GSTCD: variants seen among roughly 807,000 people sequenced by gnomAD.
GSTCD encodes the protein glutathione S-transferase C-terminal domain-containing protein.
A neutral mutation model predicts 68.3 loss-of-function variants in GSTCD; 44 were observed. That is an observed-to-expected ratio of 0.64 (90% CI 0.51 to 0.83). GSTCD has a LOEUF of 0.83. Ranked by LOEUF, GSTCD falls within the 40% of genes least tolerant of loss-of-function variation. The pLI, the probability that GSTCD is intolerant of heterozygous loss-of-function variation, is 0.00. For synonymous variants in GSTCD, 273 were observed against 255.2 expected (o/e 1.07, Z -0.67); for missense variants, 739 against 735.9 (o/e 1.00, Z -0.05).
chr4:105,806,536 C>G (rs1372466466), intron 5 of GSTCD, among the ~76,000 whole-genome samples: 2 of 152,020 alleles, frequency 1.3e-5, no homozygotes, highest in Non-Finnish European at 2.9e-5. Context: ...ATCCAAGTCT[C>G]TATGTTTTTG....
intron 8 of GSTCD, among the ~76,000 whole-genome samples, chr4:105,828,149 TTCA>T (rs1460374367): frequency 1.3e-5 from 2 of 152,180 alleles, no homozygotes; most frequent in Non-Finnish European, 2.9e-5. Context: ...ATCCTTTCTG[TTCA>T]TCAACATGTA....
chr4:105,789,256 C>T (rs895542875), intron 5 of GSTCD, among the ~76,000 whole-genome samples: 3 of 152,130 alleles, frequency 2.0e-5, no homozygotes, highest in African/African-American at 7.3e-5. Flanking sequence ...TTATCTATTG[C>T]TGCATAATAA....
chr4:105,838,293 T>C (rs964442197), intron 10 of GSTCD, among the ~76,000 whole-genome samples: 2 of 152,238 alleles, frequency 1.3e-5, no homozygotes, highest in East Asian at 1.9e-4. Context: ...CCTGCCCTTT[T>C]GTTCCAGAGG....
chr4:105,776,158 C>T (rs1735051975), intron 5 of GSTCD, among the ~76,000 whole-genome samples: 1 of 152,194 alleles, frequency 6.6e-6, no homozygotes, highest in African/African-American at 2.4e-5. Context: ...GGGAAAACCA[C>T]CTACTCAAGC....
intron 5 of GSTCD, among the ~76,000 whole-genome samples, chr4:105,772,789 G>A (rs959288667): frequency 1.3e-5 from 2 of 152,188 alleles, no homozygotes; most frequent in African/African-American, 4.8e-5. Flanking sequence ...TTGCTTCAAA[G>A]TTCATCATGG....
chr4:105,832,523 A>T (rs925051292), intron 8 of GSTCD, among the ~76,000 whole-genome samples: 1 of 151,890 alleles, frequency 6.6e-6, no homozygotes, highest in African/African-American at 2.4e-5. Context: ...TAAATTTTCT[A>T]AACTCTTTTT....
At chr4:105,835,572 C>T (rs1157547408) in intron 9 of GSTCD, among the ~76,000 whole-genome samples, 1 of 152,110 alleles carries the variant, frequency 6.6e-6, no homozygotes. Flanking sequence ...CAGAGGGTAT[C>T]ACAGCCCTGG....
chr4:105,839,827 T>C (rs1724266830), intron 10 of GSTCD, among the ~76,000 whole-genome samples: 1 of 152,166 alleles, frequency 6.6e-6, no homozygotes, highest in Non-Finnish European at 1.5e-5. Flanking sequence ...GGTGAAGAGA[T>C]AGGCTGCCCA....
chr4:105,743,217 T>C (rs1430209618), intron 5 of GSTCD, among the ~76,000 whole-genome samples: 3 of 152,138 alleles, frequency 2.0e-5, no homozygotes, highest in East Asian at 1.9e-4. Context: ...CCCAAAGTAC[T>C]GGGATTACAG....
At chr4:105,722,004 G>A (rs74917833) in intron 3 of GSTCD, among the ~76,000 whole-genome samples, 8,165 of 152,132 alleles carry the variant, frequency 0.054, 250 homozygotes, top group Middle Eastern at 0.14. Context: ...TTATTTTTCA[G>A]TTGCTACTAG....
At chr4:105,743,132 A>T (rs923143164) in intron 5 of GSTCD, among the ~76,000 whole-genome samples, 6 of 151,744 alleles carry the variant, frequency 4.0e-5, no homozygotes, top group Non-Finnish European at 7.4e-5. Flanking sequence ...TTGTATTTTT[A>T]GTAGAGACGG....
At chr4:105,823,509 T>A (rs1455103300) in intron 7 of GSTCD, 2 of 350,306 alleles carry the variant, frequency 5.7e-6, no homozygotes, top group Non-Finnish European at 1.0e-5. Context: ...TAGGTTTAAG[T>A]AATTTTTCAA....
At chr4:105,825,415 C>T (rs1476747160) in intron 7 of GSTCD, among the ~76,000 whole-genome samples, 1 of 152,202 alleles carries the variant, frequency 6.6e-6, no homozygotes, top group African/African-American at 2.4e-5. Context: ...CAGGCGTGAG[C>T]CACCACGCCC....
At chr4:105,760,467 A>G (rs1734363988) in intron 5 of GSTCD, among the ~76,000 whole-genome samples, 1 of 152,134 alleles carries the variant, frequency 6.6e-6, no homozygotes, top group African/African-American at 2.4e-5. Context: ...GCTAGATTTT[A>G]CCAACTGCAT....
At chr4:105,825,134 T>TGG (rs755015080) in intron 7 of GSTCD, among the ~76,000 whole-genome samples, 114 of 150,388 alleles carry the variant, frequency 7.6e-4, no homozygotes, top group African/African-American at 2.8e-3. Context: ...GTTGGTTGGT[T>TGG]TGTTTGTTTG....
intron 4 of GSTCD, among the ~76,000 whole-genome samples, chr4:105,728,125 A>G (rs1265151763): frequency 2.6e-5 from 4 of 152,174 alleles, no homozygotes; most frequent in Non-Finnish European, 5.9e-5. Flanking sequence ...TCTTGATTAT[A>G]TTACTACACT....
At chr4:105,828,997 C>A (rs1356825016) in intron 8 of GSTCD, among the ~76,000 whole-genome samples, 1 of 151,842 alleles carries the variant, frequency 6.6e-6, no homozygotes, top group African/African-American at 2.4e-5. Flanking sequence ...TGGTGATGTG[C>A]CATACCAAGA....
At position 105,823,288 on chromosome 4, in the gene GSTCD, T is replaced by A; in HGVS notation, c.1401+13T>A. On this transcript the variant is annotated intron_variant, in intron 7 of 11. Coordinates refer to ENST00000515279, the MANE Select transcript of GSTCD (RefSeq NM_001370181.1). ...GCCATCATGTCAGGTAAAGCCAGAATAAGAGATAAAAGGAAATATTTTAAA... is the reference window on the plus strand; with the variant it reads ...GCCATCATGTCAGGTAAAGCCAGAAAAAGAGATAAAAGGAAATATTTTAAA... 1 of 1,612,822 alleles carries A rather than the reference T, an allele frequency of 6.2e-7. No homozygotes were observed. The highest frequency in any genetic ancestry group is 8.5e-7 in the Non-Finnish European group (1 of 1,178,912).
intron 5 of GSTCD, among the ~76,000 whole-genome samples, chr4:105,812,075 T>G (rs980830513): frequency 3.3e-5 from 5 of 152,184 alleles, no homozygotes; most frequent in African/African-American, 1.2e-4. Flanking sequence ...TGTATAGTTT[T>G]GGGTATCAGT....
Sources: gnomAD v4.1 joint callset for allele counts (sites outside exome capture counted in the v4.1 genomes callset) on GRCh38, gnomAD v4.1.1 for gene constraint, MANE v1.5 for transcripts, NCBI Gene and HGNC (gene_info 2026-07-23, HGNC 2026-07-21) for gene names.